RIOK3: variants seen among roughly 807,000 people sequenced by gnomAD.
RIOK3 encodes RIO kinase 3.
In RIOK3, 40 loss-of-function variants were observed where a neutral mutation model predicts 63.5. The ratio of observed to expected loss-of-function variants is 0.63; its 90% CI spans 0.49 to 0.82. RIOK3 has a LOEUF of 0.82. Ranked by LOEUF, RIOK3 falls within the 40% of genes least tolerant of loss-of-function variation. RIOK3 has a pLI of 0.00. For missense variants in RIOK3, 557 were observed against 637.0 expected (o/e 0.87, Z 1.35); for synonymous variants, 193 against 205.0 (o/e 0.94, Z 0.50).
chr18:23,467,674 A>G (rs2057418835), intron 7 of RIOK3, 148 bp downstream of exon 7: 3 of 634,210 alleles, frequency 4.7e-6, no homozygotes, highest in Admixed American at 6.9e-5. Context: ...CAGTATAGGA[A>G]TGTATAAAAA....
chr18:23,467,576 C>T, intron 7 of RIOK3, 50 bp downstream of exon 7: 16 of 1,551,098 alleles, frequency 1.0e-5, no homozygotes, highest in Non-Finnish European at 1.4e-5. Flanking sequence ...GTCTCTTCTC[C>T]CCAAGATTAA....
Position 23,463,041 on chromosome 18 carries a change from G to T in RIOK3, c.141G>T (p.Leu47Phe). ...TGAGTGAACAGCTGGCCAAAGAATT[G>T]CAGTTAGAAGAAGAAGCTGCCGTTT... ...DVMSEQLAKE[L>F]QLEEEAAVFP... Residue 47 changes from leucine (L) to phenylalanine (F), a missense_variant, in exon 2 of 13, where the codon TTG becomes TTT. Leu to Phe is a conservative substitution (Grantham distance 22, BLOSUM62 0). This residue lies in a region of RIOK3 where 243 missense variants were observed against 275.4 expected (regional missense o/e 0.88). Transcript: ENST00000339486. 9 of 1,609,872 alleles carry T rather than the reference G, an allele frequency of 5.6e-6. No homozygotes were observed. The highest frequency in any genetic ancestry group is 7.6e-6 in the Non-Finnish European group (9 of 1,178,496).
At chr18:23,464,730 T>G (rs2057395019) in intron 5 of RIOK3, 102 bp downstream of exon 5, 1 of 591,492 alleles carries the variant, frequency 1.7e-6, no homozygotes, top group South Asian at 4.1e-5. Flanking sequence ...AAAAATGTCT[T>G]TCTTTCTAAA....
rs80147521 is a variant in RIOK3, at chr18:23,470,296, C to T, written c.815+2770C>T. Among the ~76,000 whole-genome samples, 401 of 102,894 alleles carry T rather than the reference C, an allele frequency of 3.9e-3. 2 individuals are homozygous for T. Among genetic ancestry groups the T allele is most frequent in the African/African-American group, 0.02 (380 of 19,426 alleles). The allele number at this position is 102,894 out of a possible 152,430, so 67.5% of individuals were successfully genotyped here. A position where few individuals can be genotyped will look rare whatever the true frequency, so the allele number is the denominator to read the frequency against. On this transcript the variant is annotated intron_variant, in intron 7 of 12. Transcript: ENST00000339486. Reference sequence around the variant, plus strand: ...CAGGAGAATGGCGTGAACCTGGGAGCGGAGCTTGCAGTGAGCTGAGATCGC... The same window carrying T: ...CAGGAGAATGGCGTGAACCTGGGAGTGGAGCTTGCAGTGAGCTGAGATCGC...
chr18:23,467,208 G>T (rs1017186689), intron 6 of RIOK3, among the ~76,000 whole-genome samples, 191 bp from the exon 7 acceptor site: 5 of 152,052 alleles, frequency 3.3e-5, no homozygotes, highest in African/African-American at 4.8e-5. Flanking sequence ...CAGCTACTCG[G>T]GAGGCTGAGG....
chr18:23,468,450 G>A (rs866320460), intron 7 of RIOK3, among the ~76,000 whole-genome samples: 11 of 150,996 alleles, frequency 7.3e-5, no homozygotes, highest in Admixed American at 2.6e-4. Context: ...TTACAGGCAC[G>A]CACCACCACG....
At chr18:23,455,011 T>A (rs2057328911) in intron 1 of RIOK3, among the ~76,000 whole-genome samples, 1 of 151,446 alleles carries the variant, frequency 6.6e-6, no homozygotes, top group South Asian at 2.1e-4. Flanking sequence ...CTTCCTTCCT[T>A]CCTTTCCTTC....
chr18:23,453,587 C>A, intron 1 of RIOK3, 85 bp downstream of exon 1: 1 of 1,222,560 alleles, frequency 8.2e-7, no homozygotes, highest in Non-Finnish European at 1.2e-6. Flanking sequence ...GCTTCGTGGG[C>A]GATTCGGGAA....
intron 7 of RIOK3, among the ~76,000 whole-genome samples, chr18:23,470,940 G>T (rs1401049646): frequency 1.3e-5 from 2 of 152,148 alleles, no homozygotes; most frequent in Non-Finnish European, 2.9e-5. Flanking sequence ...TCAAAATCTA[G>T]CCTATTCTGT....
At chr18:23,469,333 C>CCCCA (rs2057433973) in intron 7 of RIOK3, among the ~76,000 whole-genome samples, 1 of 11,804 alleles carries the variant, frequency 8.5e-5, no homozygotes, top group African/African-American at 4.8e-4. Context: ...CTCTCTCTCT[C>CCCCA]TCTCCCCCTC....
Position 23,464,103 on chromosome 18 carries a change from G to T in RIOK3, c.316G>T (p.Asp106Tyr), listed in dbSNP as rs2057389818. ...GCGTGAAGAAAAAAAATTCAATGGA[G>T]ATAGCAAAGGTATTATAACCTTATT... ...LRREEKKFNG[D>Y]SKVSISFENY... Residue 106 changes from aspartate to tyrosine, a missense_variant, in exon 3 of 13, where the codon GAT (aspartate) becomes TAT (tyrosine). By Grantham distance (160) the Asp-to-Tyr change is radical. Transcript: ENST00000339486. The T allele has an allele frequency of 6.2e-7, 1 of 1,610,362 alleles. No individual in the cohort carries two copies. The highest frequency in any genetic ancestry group is 1.7e-5 in the Admixed American group (1 of 59,164).
At chr18:23,463,145 T>C (rs1172031564) in intron 2 of RIOK3, 66 bp downstream of exon 2, 4 of 988,534 alleles carry the variant, frequency 4.0e-6, no homozygotes, top group Non-Finnish European at 6.3e-6. Context: ...TGATGAGTAA[T>C]TGTCATGACA....
chr18:23,463,610 T>C (rs1472508274), intron 2 of RIOK3, among the ~76,000 whole-genome samples: 3 of 152,114 alleles, frequency 2.0e-5, no homozygotes, highest in Non-Finnish European at 4.4e-5. Context: ...GGTTTCTCCA[T>C]GTTGGTCAGG....
intron 7 of RIOK3, among the ~76,000 whole-genome samples, chr18:23,471,354 A>G (rs1194160207): frequency 6.6e-6 from 1 of 152,180 alleles, no homozygotes; most frequent in Admixed American, 6.5e-5. Flanking sequence ...GTACAAAGTT[A>G]GTATCTTTGA....
chr18:23,453,990 C>T (rs2057322074), intron 1 of RIOK3, among the ~76,000 whole-genome samples: 1 of 152,198 alleles, frequency 6.6e-6, no homozygotes. Flanking sequence ...GCACCCTCCT[C>T]CCTCGACGCT....
At position 23,467,444 on chromosome 18, in the gene RIOK3, G is replaced by A; in HGVS notation, c.733G>A (p.Val245Ile). ...PKTRLLMYKM[V>I]NSGMLETITG... ...GACACGTTTACTTATGTATAAAATG[G>A]TCAACTCTGGAATGTTGGAGACAAT... Residue 245 changes from valine to isoleucine, a missense_variant, in exon 7 of 13, where the codon GTC (valine) becomes ATC (isoleucine). Coordinates refer to ENST00000339486, the MANE Select transcript of RIOK3 (RefSeq NM_003831.5). The A allele has an allele frequency of 6.2e-7, 1 of 1,613,124 alleles. No individual in the cohort carries two copies. Among genetic ancestry groups the A allele is most frequent in the Non-Finnish European group, 8.5e-7 (1 of 1,179,300 alleles).
intron 5 of RIOK3, 98 bp from the exon 6 acceptor site, chr18:23,466,035 A>G: frequency 2.3e-6 from 2 of 859,250 alleles, no homozygotes; most frequent in Admixed American, 3.0e-5. Context: ...GTGATCATCT[A>G]TTGAGTAAGA....
rs992107963 is a variant in RIOK3, at chr18:23,471,960, C to T, written c.816-1469C>T. ...AAATGTGGGAGTTATCGGCCAGGCGCGGTGGCTCACGCCTGTAATCCCAGC... is the reference window on the plus strand; with the variant it reads ...AAATGTGGGAGTTATCGGCCAGGCGTGGTGGCTCACGCCTGTAATCCCAGC... On this transcript the variant is annotated intron_variant, in intron 7 of 12. Coordinates refer to ENST00000339486, the MANE Select transcript of RIOK3 (RefSeq NM_003831.5). 3.3e-5 allele frequency among the ~76,000 whole-genome samples: 5 copies of T among 151,918 alleles called. No homozygotes were observed. In the East Asian group the frequency reaches 5.8e-4, roughly 18 times the overall value.
At chr18:23,455,424 G>T (rs1185386421) in intron 1 of RIOK3, among the ~76,000 whole-genome samples, 3 of 139,810 alleles carry the variant, frequency 2.1e-5, no homozygotes, top group African/African-American at 8.1e-5. Flanking sequence ...ACGGAGTCTC[G>T]CTTTGTTGCC....
Sources: gnomAD v4.1 joint callset for allele counts (sites outside exome capture counted in the v4.1 genomes callset) on GRCh38, gnomAD v4.1.1 for gene constraint, gnomAD v4.1.1 regional missense constraint, MANE v1.5 for transcripts, NCBI Gene and HGNC (gene_info 2026-07-23, HGNC 2026-07-21) for gene names.